PRKCQ: variants seen among roughly 807,000 people sequenced by gnomAD.
PRKCQ encodes the protein protein kinase C theta type.
PRKCQ carries 41 observed loss-of-function variants against 91.2 expected under a neutral mutation model. The ratio of observed to expected loss-of-function variants is 0.45; its 90% CI spans 0.35 to 0.58. PRKCQ has a LOEUF of 0.58. Among genes scored for constraint, PRKCQ ranks in the 20% least tolerant of loss-of-function variants. The probability of loss-of-function intolerance (pLI) is 0.00; values close to 1 mark genes in which losing one functional copy is unlikely to be tolerated. For synonymous variants in PRKCQ, 307 were observed against 316.9 expected, an observed-to-expected ratio of 0.97 and a Z score of 0.33; for missense variants, 673 against 896.5, an observed-to-expected ratio of 0.75 and a Z score of 3.18.
chr10:6,488,417 G>T (rs539697929), intron 8 of PRKCQ, among the ~76,000 whole-genome samples: 2 of 146,102 alleles, frequency 1.4e-5, no homozygotes, highest in Admixed American at 1.4e-4. Context: ...ATGGAGTCTC[G>T]CTGTGTCACC....
In PRKCQ at chr10:6,576,171, A is replaced by G. The variant is rs1212015617; in HGVS notation, c.-10+4040T>C. Among the ~76,000 whole-genome samples, 2 of 152,248 alleles carry G rather than the reference A, an allele frequency of 1.3e-5. No individual in the cohort carries two copies. Among genetic ancestry groups the G allele is most frequent in the Non-Finnish European group, 2.9e-5 (2 of 68,042 alleles). The stretch of plus-strand genomic sequence containing the variant: ...GGCAGTTCCTCAAAAAATTAAACAT[A>G]GAATTACCCTACGACCCCACAATTC... On this transcript the variant is annotated intron_variant, in intron 1 of 17. Transcript: ENST00000263125. The surrounding 1 kb of genome is among the most constrained non-coding windows in gnomAD (Gnocchi z 4.2).
chr10:6,481,325 G>A (rs1036502745), intron 11 of PRKCQ, among the ~76,000 whole-genome samples: 58 of 152,196 alleles, frequency 3.8e-4, no homozygotes, highest in African/African-American at 1.4e-3. Context: ...TTTAGTAATT[G>A]CTTCTTTCAG....
chr10:6,485,895 T>A (rs1836886201), intron 9 of PRKCQ, 140 bp downstream of exon 9: 4 of 651,230 alleles, frequency 6.1e-6, no homozygotes, highest in Non-Finnish European at 1.1e-5. Context: ...GGCATGGATA[T>A]GAAAGCCAAG....
rs909687687 is a variant in PRKCQ at position 6,497,403 on chromosome 10, C to T, written c.543-152G>A. 3 of 906,772 alleles carry T rather than the reference C, an allele frequency of 3.3e-6. No individual in the cohort carries two copies. The East Asian group carries it at 7.3e-5, about 22-fold the overall frequency. The allele number at this position is 906,772 out of a possible 1,614,324, so 56.2% of individuals were successfully genotyped here. On this transcript the variant is annotated intron_variant, in intron 5 of 17. Transcript: ENST00000263125. The surrounding 1 kb of genome is among the most constrained non-coding windows in gnomAD (Gnocchi z 4.5). ...TTGTATCATTTGCCAAGAGTATTAA[C>T]AGAGTGTTTTTCATTTGAAGCTGCG... is the stretch of plus-strand genomic sequence containing the variant.
chr10:6,394,403 T>C, the PRKCQ span, among the ~76,000 whole-genome samples: 1 of 152,216 alleles, frequency 6.6e-6, no homozygotes, highest in East Asian at 1.9e-4. Flanking sequence ...CATTTGCCAC[T>C]TGTCTCCTGG....
intron 1 of PRKCQ, 130 bp from the exon 2 acceptor site, chr10:6,515,274 A>C: frequency 6.5e-7 from 1 of 1,542,088 alleles, no homozygotes; most frequent in Non-Finnish European, 8.7e-7. Flanking sequence ...ATCCATGTGA[A>C]CAAATGTTTT....
rs1475686641 is a variant in PRKCQ at position 6,430,761 on chromosome 10, A to G, written c.1965+49T>C. The G allele has an allele frequency of 4.4e-6, 7 of 1,596,850 alleles. No homozygotes were observed. The highest frequency in any genetic ancestry group is 1.3e-5 in the African/African-American group (1 of 74,732). On this transcript the variant is annotated intron_variant, in intron 17 of 17. Coordinates refer to ENST00000263125, the MANE Select transcript of PRKCQ (RefSeq NM_006257.5). This position sits in a 1 kb window ranked among gnomAD's most constrained non-coding sequence, Gnocchi z 4.7. ...TGACTTGGACAGGCAGACGGCCCTG[A>G]GCGGAGGGAGAGTGGCTGACACCAA...
intron 1 of PRKCQ, among the ~76,000 whole-genome samples, chr10:6,554,921 A>G (rs1840346928): frequency 1.3e-5 from 2 of 152,226 alleles, no homozygotes; most frequent in South Asian, 2.1e-4. Context: ...AATGTAGTAC[A>G]TAGACACCAT....
chr10:6,480,949 G>A (rs916831223), intron 11 of PRKCQ, among the ~76,000 whole-genome samples: 1 of 152,208 alleles, frequency 6.6e-6, no homozygotes, highest in South Asian at 2.1e-4. Flanking sequence ...CTTAAAATTT[G>A]TTTGAGAACA....
chr10:6,441,944 A>G lies in PRKCQ; in HGVS notation c.1785T>C (p.Asn595=), dbSNP rs569117132. 3 of 1,613,756 alleles carry G rather than the reference A, an allele frequency of 1.9e-6. No homozygotes were observed. The South Asian group carries it at 3.3e-5, about 18-fold the overall frequency. Residue 595 remains asparagine (N), a synonymous_variant, in exon 16 of 18, where the codon AAT becomes AAC. Coordinates refer to ENST00000263125, the MANE Select transcript of PRKCQ (RefSeq NM_006257.5). Reference sequence around the variant, plus strand: ...TCTCCAGCCACCGTGGGTAAAAGGGATTGTCCATGCGGATGGAGTGGAAGA... The same window carrying G: ...TCTCCAGCCACCGTGGGTAAAAGGGGTTGTCCATGCGGATGGAGTGGAAGA... ...EELFHSIRMD[N]PFYPRWLEKE...
Position 6,515,119 on chromosome 10 carries a change from C to G in PRKCQ, c.17G>C (p.Arg6Pro). The G allele has an allele frequency of 6.2e-7, 1 of 1,613,602 alleles. No homozygotes were observed. Among genetic ancestry groups the G allele is most frequent in the Non-Finnish European group, 8.5e-7 (1 of 1,179,870 alleles). ...GCAGTCAAAGTTGGACAAGCCAATCCGAAGAAATGGCGACATGGTTGCGCC... is the reference window on the plus strand; with the variant it reads ...GCAGTCAAAGTTGGACAAGCCAATCGGAAGAAATGGCGACATGGTTGCGCC... Reference protein sequence around the residue: MSPFLRIGLSNFDCGS... With the variant: MSPFLPIGLSNFDCGS... Residue 6 changes from arginine (R) to proline (P), a missense_variant, in exon 2 of 18, where the codon CGG becomes CCG. By Grantham distance (103) the Arg-to-Pro change is moderately radical (BLOSUM62 -2). Coordinates refer to ENST00000263125, the MANE Select transcript of PRKCQ (RefSeq NM_006257.5).
chr10:6,394,697 G>C, the PRKCQ span, among the ~76,000 whole-genome samples: 3 of 142,898 alleles, frequency 2.1e-5, no homozygotes, highest in Non-Finnish European at 4.5e-5. Context: ...AACTGACTGA[G>C]AAAAGGGCAA....
At chr10:6,478,881 G>A in intron 12 of PRKCQ, 111 bp downstream of exon 12, 1 of 1,262,634 alleles carries the variant, frequency 7.9e-7, no homozygotes, top group Non-Finnish European at 1.1e-6. Context: ...ACACCGAAAT[G>A]TAAGATAAAT....
At chr10:6,505,278 T>C (rs1443859937) in intron 4 of PRKCQ, among the ~76,000 whole-genome samples, 4 of 152,242 alleles carry the variant, frequency 2.6e-5, no homozygotes, top group Admixed American at 6.5e-5. Context: ...ATTTGCTCTC[T>C]CATTCTAATA....
intron 7 of PRKCQ, among the ~76,000 whole-genome samples, chr10:6,493,790 A>G (rs1463172772): frequency 6.6e-6 from 1 of 152,254 alleles, no homozygotes; most frequent in African/African-American, 2.4e-5. Flanking sequence ...CAGGTGATCA[A>G]ACATGAACAA....
At chr10:6,471,591 GA>G (rs34504591) in intron 12 of PRKCQ, among the ~76,000 whole-genome samples, 5 of 151,326 alleles carry the variant, frequency 3.3e-5, no homozygotes, top group Admixed American at 1.3e-4. Context: ...AAAATACCAA[GA>G]AAAAAAAATT....
chr10:6,423,950 C>T (rs1229504598), downstream of PRKCQ, among the ~76,000 whole-genome samples: 2 of 152,146 alleles, frequency 1.3e-5, no homozygotes, highest in African/African-American at 4.8e-5. Flanking sequence ...TTCACCCACT[C>T]ACTCAACAAA....
rs1354932781 is a variant in PRKCQ at position 6,534,790 on chromosome 10, A to C, written c.-9-19646T>G. ...AACATATATCTATATATATATATAT[A>C]TAGATATATATATATATATATAAAC... On this transcript the variant is annotated intron_variant, in intron 1 of 17. Transcript: ENST00000263125. 4.1e-3 allele frequency among the ~76,000 whole-genome samples: 574 copies of C among 141,382 alleles called. 5 individuals are homozygous for C. Among genetic ancestry groups the C allele is most frequent in the African/African-American group, 0.014 (501 of 36,092 alleles). The allele number at this position is 141,382 out of a possible 152,430, so 92.8% of individuals were successfully genotyped here.
chr10:6,405,471 G>A, the PRKCQ span, among the ~76,000 whole-genome samples: 2 of 152,210 alleles, frequency 1.3e-5, no homozygotes, highest in Non-Finnish European at 2.9e-5. Context: ...TTGCTGGCAG[G>A]TTTGCAAATC....
Sources: allele counts gnomAD v4.1 joint callset (sites outside exome capture counted in the v4.1 genomes callset), GRCh38; gene constraint gnomAD v4.1.1; non-coding constraint Gnocchi (gnomAD v3.1); transcripts MANE v1.5; gene names NCBI Gene and HGNC (gene_info 2026-07-23, HGNC 2026-07-21).